The following TAF6 variants were observed in gnomAD, a reference collection of about 807,000 sequenced individuals.
TAF6 encodes the protein TATA-box binding protein associated factor 6, also known as transcription initiation factor TFIID subunit 6.
In TAF6, 50 loss-of-function variants were observed where a neutral mutation model predicts 73.5. That is an observed-to-expected ratio of 0.68 (90% CI 0.54 to 0.86). The LOEUF is 0.86. TAF6 is among the 40% of genes least tolerant of loss of function. The probability of loss-of-function intolerance (pLI) is 0.00; values close to 1 mark genes in which losing one functional copy is unlikely to be tolerated. For synonymous variants in TAF6, 424 were observed against 376.7 expected (o/e 1.13, Z -1.45); for missense variants, 768 against 899.5 (o/e 0.85, Z 1.87).
At chr7:100,107,861 C>G (rs1450171617) in intron 14 of TAF6, 65 bp downstream of exon 14, 4 of 1,532,330 alleles carry the variant, frequency 2.6e-6, no homozygotes, top group Non-Finnish European at 3.5e-6. Flanking sequence ...ACTCCTGGGC[C>G]TCCCCAGGGT....
chr7:100,123,829 A>T (rs1210770664), upstream of TAF6, among the ~76,000 whole-genome samples: 2 of 152,112 alleles, frequency 1.3e-5, no homozygotes, highest in African/African-American at 4.8e-5. Context: ...CTTAAGGAAA[A>T]TTTTTAAAAA....
In TAF6 at chr7:100,114,275, G is replaced by C; in HGVS notation, c.-59-7C>G. On this transcript the variant is annotated splice_polypyrimidine_tract_variant and splice_region_variant and intron_variant, in intron 1 of 14. Transcript: ENST00000453269. ...CGGTGGAGAGACGGAGACCCTGGCA[G>C]AGGAACGGGGCAGGCAGAAGAAAAA... 1 of 1,612,174 alleles carries C rather than the reference G, an allele frequency of 6.2e-7. No homozygotes were observed. The highest frequency in any genetic ancestry group is 8.5e-7 in the Non-Finnish European group (1 of 1,179,926).
chr7:100,123,759 A>G (rs540606838), upstream of TAF6, among the ~76,000 whole-genome samples: 37 of 152,296 alleles, frequency 2.4e-4, no homozygotes, highest in East Asian at 6.8e-3. Context: ...ACCTCAGGTG[A>G]TCCACCCGCC....
chr7:100,109,922 G>C (rs1354351749), intron 12 of TAF6, 26 bp downstream of exon 12: 1 of 1,612,946 alleles, frequency 6.2e-7, no homozygotes. Context: ...TCAGTGGGCA[G>C]GTGTGGGGAC....
the TAF6 span, among the ~76,000 whole-genome samples, chr7:100,126,185 C>CA: frequency 1.3e-3 from 180 of 140,306 alleles, 1 homozygote; most frequent in South Asian, 6.1e-3. Context: ...GACTCCGTCT[C>CA]AAAAAAAAAA....
rs201188562 is a variant in TAF6, at chr7:100,113,786, G to C, written c.244-17C>G. 7.4e-6 allele frequency: 12 copies of C among 1,613,838 alleles called. No homozygotes were observed. The East Asian group carries it at 2.7e-4, about 36-fold the overall frequency. ...ATAGAGTGGCTGTGGCAGGAGAGAG[G>C]GGCATGGGTAAGAAGGGAGCCGGAG... On this transcript the variant is annotated splice_polypyrimidine_tract_variant and intron_variant, in intron 3 of 14. Transcript: ENST00000453269.
intron 1 of TAF6, 81 bp from the exon 2 acceptor site, chr7:100,114,349 CAG>C (rs756666117): frequency 6.9e-5 from 95 of 1,383,844 alleles, no homozygotes; most frequent in African/African-American, 3.8e-4. Context: ...ACAGTGGAGA[CAG>C]GGGAGGAACT....
upstream of TAF6, chr7:100,122,124 G>A: frequency 9.6e-7 from 1 of 1,041,872 alleles, no homozygotes; most frequent in Non-Finnish European, 1.4e-6. Context: ...CTAAATGGCT[G>A]AGCCAGGATT....
chr7:100,126,932 A>C, the TAF6 span: 1 of 156,744 alleles, frequency 6.4e-6, no homozygotes, highest in Admixed American at 6.5e-5. Context: ...AGGCGCCGGA[A>C]CTACAGCTAC....
the TAF6 span, chr7:100,125,029 A>C: frequency 4.1e-6 from 4 of 977,144 alleles, no homozygotes; most frequent in African/African-American, 1.6e-5. Flanking sequence ...ATCTAACCTC[A>C]GGCAAGATCC....
At chr7:100,119,417 C>T, upstream of TAF6, 1 of 1,183,198 alleles carries the variant, frequency 8.5e-7, no homozygotes, top group Non-Finnish European at 1.0e-6. Context: ...TTCCCCGTAC[C>T]AGAATAAGTC....
At chr7:100,123,019 A>C (rs994150651), upstream of TAF6, 12 of 1,193,424 alleles carry the variant, frequency 1.0e-5, no homozygotes, top group Admixed American at 1.1e-4. Context: ...GGAAGGGGCC[A>C]GAGTGAGGAC....
At chr7:100,107,668 GC>G (rs752264011) in intron 14 of TAF6, 45 bp from the exon 15 acceptor site, 7 of 1,595,334 alleles carry the variant, frequency 4.4e-6, no homozygotes, top group Non-Finnish European at 5.1e-6. Context: ...TGCCCTCCCT[GC>G]CCCCCAGAGG....
At position 100,112,978 on chromosome 7, in the gene TAF6, G is replaced by A. The variant is rs1277940345; in HGVS notation, c.455-61C>T. The stretch of plus-strand genomic sequence containing the variant: ...AGCATAGTAGAAAAGTAAAAGGTGG[G>A]AGGAGGCCGGATGCGGTGGCTCATG... On this transcript the variant is annotated intron_variant, in intron 5 of 14. Transcript: ENST00000453269. 5.1e-6 allele frequency: 8 copies of A among 1,562,832 alleles called. No homozygotes were observed. In the African/African-American group the frequency reaches 1.1e-4, roughly 21 times the overall value.
chr7:100,119,737 G>A, upstream of TAF6: 1 of 1,614,158 alleles, frequency 6.2e-7, no homozygotes, highest in Non-Finnish European at 8.5e-7. Flanking sequence ...TGTAGACGGC[G>A]CTTTGTCATG....
intron 1 of TAF6, chr7:100,118,707 G>T: frequency 3.7e-6 from 1 of 270,446 alleles, no homozygotes; most frequent in Non-Finnish European, 5.7e-6. Context: ...TTGGACATTA[G>T]GAAGATTAAC....
Position 100,111,972 on chromosome 7 carries a change from G to C in TAF6, c.748C>G (p.Pro250Ala). 1.2e-6 allele frequency: 2 copies of C among 1,614,126 alleles called. No homozygotes were observed. Among genetic ancestry groups the C allele is most frequent in the Non-Finnish European group, 1.7e-6 (2 of 1,180,006 alleles). ...AEALQSIATDPGLYQMLPRFS... is the reference protein window; with the variant it reads ...AEALQSIATDAGLYQMLPRFS... ...CGTGGCAGCATCTGATACAGTCCAG[G>C]GTCCGTGGCAATGCTTTGCAGGGCT... is the stretch of plus-strand genomic sequence containing the variant. The change falls in exon 8 of 15, where the codon CCT becomes GCT. Residue 250 changes from proline to alanine, a missense_variant. Pro to Ala is a conservative substitution (Grantham distance 27, BLOSUM62 -1). Around this residue, in one of 5 missense-constraint regions of TAF6, gnomAD observed 78 missense variants for 153.4 expected, o/e 0.51. Transcript: ENST00000453269.
chr7:100,121,836 G>A (rs1489844641), upstream of TAF6, among the ~76,000 whole-genome samples: 1 of 151,420 alleles, frequency 6.6e-6, no homozygotes, highest in Non-Finnish European at 1.5e-5. Context: ...GGATCACAAG[G>A]TCAGCTGATC....
the TAF6 span, among the ~76,000 whole-genome samples, chr7:100,125,830 G>A: frequency 6.6e-6 from 1 of 152,030 alleles, no homozygotes; most frequent in Non-Finnish European, 1.5e-5. Context: ...GATCACCTGA[G>A]TGTAGGAGTT....
Sources: allele counts gnomAD v4.1 joint callset (sites outside exome capture counted in the v4.1 genomes callset), GRCh38; gene constraint gnomAD v4.1.1; regional missense constraint gnomAD v4.1.1; transcripts MANE v1.5; gene names NCBI Gene and HGNC (gene_info 2026-07-23, HGNC 2026-07-21).